The following LARGE1 variants were observed in gnomAD, a reference collection of about 807,000 sequenced individuals.
The protein encoded by LARGE1 is xylosyl- and glucuronyltransferase LARGE1.
In LARGE1, 43 loss-of-function variants were observed where a neutral mutation model predicts 87.6. The ratio of observed to expected loss-of-function variants is 0.49; its 90% CI spans 0.38 to 0.63. The LOEUF (loss-of-function observed/expected upper bound fraction) is 0.63. Among genes scored for constraint, LARGE1 ranks in the 30% least tolerant of loss-of-function variants. The pLI is 0.00. For missense variants in LARGE1, 802 were observed against 1,000.2 expected (o/e 0.80, Z 2.67); for synonymous variants, 434 against 394.6 (o/e 1.10, Z -1.18).
the LARGE1 span, among the ~76,000 whole-genome samples, chr22:33,145,285 G>A: frequency 1.3e-5 from 2 of 152,170 alleles, no homozygotes; most frequent in African/African-American, 4.8e-5. Context: ...CCATGTGCCT[G>A]CTGTGTAAAG....
At chr22:33,746,174 A>G (rs1466337200) in intron 2 of LARGE1, among the ~76,000 whole-genome samples, 1 of 152,150 alleles carries the variant, frequency 6.6e-6, no homozygotes, top group East Asian at 1.9e-4. Context: ...CCCGGGAGGC[A>G]GAGCTTGCAG....
At chr22:33,822,426 C>T (rs1311326329) in intron 1 of LARGE1, among the ~76,000 whole-genome samples, 1 of 152,162 alleles carries the variant, frequency 6.6e-6, no homozygotes, top group African/African-American at 2.4e-5. Context: ...ATGCAAAGTG[C>T]AGTGGCTCAT....
At chr22:33,711,088 C>G (rs1377479025) in intron 2 of LARGE1, among the ~76,000 whole-genome samples, 1 of 152,120 alleles carries the variant, frequency 6.6e-6, no homozygotes, top group Non-Finnish European at 1.5e-5. Flanking sequence ...GTTATAGGAG[C>G]AGTTGTAGGG....
At chr22:33,361,488 C>T (rs1006422419) in intron 9 of LARGE1, among the ~76,000 whole-genome samples, 1 of 149,550 alleles carries the variant, frequency 6.7e-6, no homozygotes, top group African/African-American at 2.5e-5. Context: ...TCGTGTAGTC[C>T]TTGCACTTAC....
chr22:33,550,410 T>C (rs1364539088), intron 6 of LARGE1, among the ~76,000 whole-genome samples: 1 of 152,178 alleles, frequency 6.6e-6, no homozygotes. Context: ...TTGCGTGTCA[T>C]AGCTGGAGGG....
chr22:33,337,639 C>G lies in LARGE1; in HGVS notation c.1287+7G>C. ...CCCTTCCCTGCCCAGCCTTGCGAGC[C>G]ACTTACGTTTTCACTGTTGACATCA... On this transcript the variant is annotated splice_region_variant and intron_variant, in intron 10 of 14. Transcript: ENST00000397394. The G allele has an allele frequency of 6.2e-7, 1 of 1,614,108 alleles. No individual in the cohort carries two copies. Among genetic ancestry groups the G allele is most frequent in the Non-Finnish European group, 8.5e-7 (1 of 1,180,030 alleles).
At chr22:33,089,166 G>T in the LARGE1 span, among the ~76,000 whole-genome samples, 1 of 152,186 alleles carries the variant, frequency 6.6e-6, no homozygotes, top group South Asian at 2.1e-4. Context: ...CAGAGTATCT[G>T]TTAAGACAAC....
At chr22:33,864,550 C>A (rs927780322) in intron 1 of LARGE1, among the ~76,000 whole-genome samples, 1 of 152,142 alleles carries the variant, frequency 6.6e-6, no homozygotes, top group African/African-American at 2.4e-5. Flanking sequence ...TTTTACCAGG[C>A]AAGACTGTAA....
At chr22:33,757,178 C>T (rs2084547902) in intron 2 of LARGE1, among the ~76,000 whole-genome samples, 1 of 152,148 alleles carries the variant, frequency 6.6e-6, no homozygotes, top group Admixed American at 6.5e-5. Context: ...CCATGCCTGA[C>T]AACTGAGTCG....
intron 3 of LARGE1, among the ~76,000 whole-genome samples, chr22:33,632,382 C>G (rs2080138812): frequency 5.3e-5 from 8 of 152,130 alleles, no homozygotes; most frequent in Admixed American, 4.6e-4. Context: ...CCTCGGCCTC[C>G]CAAAGTGCTG....
At position 33,699,153 on chromosome 22, in the gene LARGE1, G is replaced by A. The variant is rs887191500; in HGVS notation, c.107-48485C>T. On this transcript the variant is annotated intron_variant, in intron 2 of 14. Transcript: ENST00000397394. ...TGAAAACATCTGCTCGGCAAGTAGA[G>A]AGCATTTTACAAGCTTTATTGTTTC... Among the ~76,000 whole-genome samples the A allele has an allele frequency of 1.5e-4, 23 of 152,300 alleles. 2 individuals carry two copies. Among genetic ancestry groups the A allele is most frequent in the African/African-American group, 3.1e-4 (13 of 41,562 alleles).
At chr22:33,091,618 C>T in the LARGE1 span, among the ~76,000 whole-genome samples, 5 of 151,332 alleles carry the variant, frequency 3.3e-5, no homozygotes, top group Non-Finnish European at 5.9e-5. Flanking sequence ...TATCCTTGGT[C>T]TGGGCCAGGT....
chr22:33,397,392 G>A (rs1443533995), intron 7 of LARGE1, among the ~76,000 whole-genome samples: 1 of 152,214 alleles, frequency 6.6e-6, no homozygotes, highest in South Asian at 2.1e-4. Flanking sequence ...TGGGATTACA[G>A]GCATGAGCCA....
chr22:33,686,562 A>G (rs1319908295), intron 2 of LARGE1, among the ~76,000 whole-genome samples: 1 of 105,040 alleles, frequency 9.5e-6, no homozygotes, highest in African/African-American at 3.8e-5. Context: ...AAAAAAAAAA[A>G]AAAACAAAAA....
At chr22:33,605,603 C>T (rs150970513) in intron 4 of LARGE1, among the ~76,000 whole-genome samples, 173 of 152,234 alleles carry the variant, frequency 1.1e-3, no homozygotes, top group African/African-American at 4.0e-3. Context: ...ATAGCAGATG[C>T]GCCCTACTGG....
intron 3 of LARGE1, among the ~76,000 whole-genome samples, chr22:33,645,739 A>G (rs923147363): frequency 2.0e-5 from 3 of 152,222 alleles, no homozygotes; most frequent in African/African-American, 7.2e-5. Flanking sequence ...ACTTAAACAA[A>G]TTAACAAGAA....
At chr22:33,463,524 C>T (rs936907011) in intron 6 of LARGE1, among the ~76,000 whole-genome samples, 2 of 152,118 alleles carry the variant, frequency 1.3e-5, no homozygotes, top group Admixed American at 1.3e-4. Flanking sequence ...TACAACAATT[C>T]TCATCAAATT....
At chr22:33,759,071 A>C (rs890914158) in intron 2 of LARGE1, among the ~76,000 whole-genome samples, 1 of 152,194 alleles carries the variant, frequency 6.6e-6, no homozygotes. Context: ...AACTTCCTCT[A>C]TGTAGATAAA....
At chr22:33,162,584 C>A (rs1444957939) in exon 12 of LARGE1, 1 of 152,150 alleles carries the variant, frequency 6.6e-6, no homozygotes. Context: ...TCAGAAAAAT[C>A]ATAAATCAGG....
Sources: allele counts gnomAD v4.1 joint callset (sites outside exome capture counted in the v4.1 genomes callset), GRCh38; gene constraint gnomAD v4.1.1; transcripts MANE v1.5; gene names NCBI Gene and HGNC (gene_info 2026-07-23, HGNC 2026-07-21).